The following JAK1 variants were observed in gnomAD, a reference collection of about 807,000 sequenced individuals.
JAK1 encodes tyrosine-protein kinase JAK1.
JAK1 carries 16 observed loss-of-function variants against 136.6 expected under a neutral mutation model. That is an observed-to-expected ratio of 0.12 (90% CI 0.08 to 0.18). The LOEUF is 0.18. Among genes scored for constraint, JAK1 ranks in the 10% least tolerant of loss-of-function variants. The probability of loss-of-function intolerance (pLI) is 1.00; values close to 1 mark genes in which losing one functional copy is unlikely to be tolerated. For missense variants in JAK1, 859 were observed against 1,450.1 expected (o/e 0.59, Z 6.62); for synonymous variants, 492 against 519.5 (o/e 0.95, Z 0.72).
intron 22 of JAK1, 103 bp downstream of exon 22, chr1:64,837,829 C>G (rs1161139108): frequency 1.1e-6 from 1 of 931,822 alleles, no homozygotes; most frequent in African/African-American, 1.6e-5. Context: ...AACCTTGAGT[C>G]AGGCCAGAGG....
intron 14 of JAK1, 83 bp downstream of exon 14, chr1:64,846,566 G>A (rs1026317148): frequency 3.1e-6 from 3 of 964,196 alleles, no homozygotes; most frequent in African/African-American, 3.2e-5. Flanking sequence ...GGCAACGTGA[G>A]GGTGGGAAGA....
At chr1:64,936,723 G>A (rs1645795458) in intron 1 of JAK1, among the ~76,000 whole-genome samples, 1 of 152,152 alleles carries the variant, frequency 6.6e-6, no homozygotes, top group South Asian at 2.1e-4. Context: ...TCATTTGCTT[G>A]TAAAAAGATT....
At chr1:65,032,597 C>T (rs1647033659) in intron 2 of JAK1, among the ~76,000 whole-genome samples, 11 of 152,170 alleles carry the variant, frequency 7.2e-5, no homozygotes, top group Admixed American at 7.2e-4. Flanking sequence ...ATTTTCTTAA[C>T]CTTGATGTTA....
upstream of JAK1, among the ~76,000 whole-genome samples, chr1:64,970,825 A>C (rs2100670172): frequency 6.6e-6 from 1 of 152,300 alleles, no homozygotes; most frequent in South Asian, 2.1e-4. Context: ...AATAGTGTAA[A>C]ACAAAAGAAT....
At chr1:65,015,271 A>C (rs1353240156) in intron 2 of JAK1, among the ~76,000 whole-genome samples, 1 of 152,214 alleles carries the variant, frequency 6.6e-6, no homozygotes, top group Non-Finnish European at 1.5e-5. Context: ...TGAGATGAAA[A>C]AGTAAATAAA....
intron 2 of JAK1, chr1:64,991,935 A>G (rs1646660097): frequency 1.3e-5 from 2 of 152,386 alleles, no homozygotes; most frequent in African/African-American, 4.8e-5. Context: ...TTAATGAAGA[A>G]ATAAATAAAT....
At chr1:64,873,808 C>T (rs954469251) in intron 4 of JAK1, among the ~76,000 whole-genome samples, 4 of 152,194 alleles carry the variant, frequency 2.6e-5, no homozygotes, top group Admixed American at 6.5e-5. Context: ...AATAGGGAAA[C>T]ACCTGCTGAC....
intron 23 of JAK1, among the ~76,000 whole-genome samples, chr1:64,835,839 T>C (rs1654448352): frequency 6.6e-6 from 1 of 152,104 alleles, no homozygotes. Context: ...CATTTTCCCA[T>C]AAAACTGCCC....
chr1:64,977,643 G>A (rs1251955003), intron 2 of JAK1, among the ~76,000 whole-genome samples: 1 of 140,842 alleles, frequency 7.1e-6, no homozygotes, highest in Non-Finnish European at 1.6e-5. Flanking sequence ...GTGTTAGCAA[G>A]GATGGTCTCA....
chr1:64,882,709 G>A (rs1644792624), intron 3 of JAK1, among the ~76,000 whole-genome samples: 1 of 152,138 alleles, frequency 6.6e-6, no homozygotes, highest in Admixed American at 6.6e-5. Context: ...AGAAAAAAAA[G>A]CTTGTGTTGT....
chr1:64,960,163 CGCTGACTTGAGTTA>C (rs1294863060), intron 1 of JAK1, among the ~76,000 whole-genome samples: 5 of 152,168 alleles, frequency 3.3e-5, no homozygotes, highest in African/African-American at 1.2e-4. Context: ...AGAAGGTCAA[CGCTGACTTGAGTTA>C]TGACCACACC....
At chr1:65,051,723 T>C (rs1647289144) in intron 1 of JAK1, among the ~76,000 whole-genome samples, 3 of 152,232 alleles carry the variant, frequency 2.0e-5, no homozygotes, top group African/African-American at 7.2e-5. Flanking sequence ...TTCTACAGAC[T>C]AAATCGAAAT....
chr1:64,841,222 C>T (rs1373081842), intron 19 of JAK1, 23 bp downstream of exon 19: 1 of 1,559,834 alleles, frequency 6.4e-7, no homozygotes, highest in Admixed American at 1.7e-5. Context: ...CCATCAGCAG[C>T]AAGCAGCACG....
chr1:64,954,748 G>A (rs535111919), intron 1 of JAK1, among the ~76,000 whole-genome samples: 1 of 152,202 alleles, frequency 6.6e-6, no homozygotes, highest in Non-Finnish European at 1.5e-5. Flanking sequence ...TTTAACACAT[G>A]TGACAAGTAA....
intron 3 of JAK1, among the ~76,000 whole-genome samples, chr1:64,882,635 G>A (rs748544420): frequency 6.6e-6 from 1 of 152,094 alleles, no homozygotes; most frequent in Non-Finnish European, 1.5e-5. Flanking sequence ...AGGATGAAAG[G>A]GACTTTGGTT....
intron 2 of JAK1, among the ~76,000 whole-genome samples, chr1:65,005,766 A>G (rs2100759422): frequency 6.6e-6 from 1 of 152,338 alleles, no homozygotes; most frequent in Non-Finnish European, 1.5e-5. Context: ...AATTCCAATT[A>G]AAATCCCAGC....
chr1:64,887,989 G>A (rs1024951863), intron 1 of JAK1, among the ~76,000 whole-genome samples: 7 of 152,082 alleles, frequency 4.6e-5, no homozygotes, highest in East Asian at 1.9e-4. Context: ...ACAGCATACC[G>A]TTACCAGCTG....
rs535122744 is a variant in JAK1, at chr1:64,916,772, G to A, written c.-77-30431C>T. Among the ~76,000 whole-genome samples, 11 of 151,744 alleles carry A rather than the reference G, an allele frequency of 7.2e-5. 1 individual carries two copies. In the South Asian group the frequency reaches 2.3e-3, roughly 32 times the overall value. On this transcript the variant is annotated intron_variant, in intron 1 of 24. Transcript: ENST00000342505. ...AGAATCGCTTGAACCGGGAGGCAGA[G>A]GTTGCAGTGAGCCGAGATTCTGCCG...
intron 2 of JAK1, among the ~76,000 whole-genome samples, chr1:65,039,155 G>A (rs1452787829): frequency 1.3e-5 from 2 of 152,192 alleles, no homozygotes; most frequent in Non-Finnish European, 2.9e-5. Context: ...AGATGGGAAA[G>A]TGTTTTGAAC....
Sources: gnomAD v4.1 joint callset for allele counts (sites outside exome capture counted in the v4.1 genomes callset) on GRCh38, gnomAD v4.1.1 for gene constraint, MANE v1.5 for transcripts, NCBI Gene and HGNC (gene_info 2026-07-23, HGNC 2026-07-21) for gene names.